ASIC2: variants seen among roughly 807,000 people sequenced by gnomAD.
ASIC2 encodes acid-sensing ion channel 2.
ASIC2 carries 25 observed loss-of-function variants against 57.3 expected under a neutral mutation model. The observed-to-expected ratio is 0.44, with a 90% CI of 0.32 to 0.61. ASIC2 has a LOEUF of 0.61. ASIC2 is among the 20% of genes least tolerant of loss of function. The pLI, the probability that ASIC2 is intolerant of heterozygous loss-of-function variation, is 0.06. For synonymous variants in ASIC2, 319 were observed against 307.5 expected, an observed-to-expected ratio of 1.04 and a Z score of -0.39; for missense variants, 641 against 738.1, an observed-to-expected ratio of 0.87 and a Z score of 1.52.
chr17:33,649,456 T>A (rs1906851164), intron 1 of ASIC2, among the ~76,000 whole-genome samples: 1 of 152,204 alleles, frequency 6.6e-6, no homozygotes, highest in South Asian at 2.1e-4. Context: ...TATCAACTCT[T>A]CCCAAATTGA....
chr17:33,234,194 G>A (rs181516460), intron 1 of ASIC2, among the ~76,000 whole-genome samples: 19 of 152,306 alleles, frequency 1.2e-4, no homozygotes, highest in Admixed American at 5.2e-4. Context: ...GGTGAAGTTC[G>A]TAAAAAGCCA....
intron 1 of ASIC2, among the ~76,000 whole-genome samples, chr17:33,531,189 G>T (rs190290152): frequency 6.6e-6 from 1 of 152,172 alleles, no homozygotes. Context: ...GACCTTTAAG[G>T]CAAACGTTCC....
At position 33,265,389 on chromosome 17, in the gene ASIC2, C is replaced by T. The variant is rs575988236; in HGVS notation, c.708+26019G>A. 5.9e-5 allele frequency among the ~76,000 whole-genome samples: 9 copies of T among 152,280 alleles called. No individual in the cohort carries two copies. The East Asian group carries it at 1.5e-3, about 26-fold the overall frequency. ...GGATGGAGCTGGAAGCCATAATCCTCAGCAAACTAACATAGGAACAGGAAA... is the reference window on the plus strand; with the variant it reads ...GGATGGAGCTGGAAGCCATAATCCTTAGCAAACTAACATAGGAACAGGAAA... On this transcript the variant is annotated intron_variant, in intron 1 of 9. Transcript: ENST00000225823.
chr17:33,801,454 CT>C (rs1912130623), intron 1 of ASIC2, among the ~76,000 whole-genome samples: 1 of 152,106 alleles, frequency 6.6e-6, no homozygotes, highest in Admixed American at 6.5e-5. Flanking sequence ...TGTTTTGACA[CT>C]TTTTATGACA....
intron 1 of ASIC2, among the ~76,000 whole-genome samples, chr17:33,571,429 T>C (rs922116298): frequency 4.6e-5 from 7 of 152,180 alleles, no homozygotes; most frequent in African/African-American, 1.7e-4. Flanking sequence ...TACCCAGAGG[T>C]ATACTTAGCG....
intron 1 of ASIC2, among the ~76,000 whole-genome samples, chr17:33,678,435 C>CACACACACACACACACACA (rs1907894434): frequency 6.5e-5 from 9 of 139,508 alleles, no homozygotes; most frequent in African/African-American, 1.6e-4. Context: ...CTGGTTCAAT[C>CACACACACACACACACACA]CACACACACA....
At chr17:33,909,095 T>C (rs1373637085) in intron 1 of ASIC2, among the ~76,000 whole-genome samples, 1 of 152,202 alleles carries the variant, frequency 6.6e-6, no homozygotes, top group African/African-American at 2.4e-5. Flanking sequence ...GCCTGTGGTC[T>C]TGTATCATCA....
At chr17:33,875,493 A>G (rs1320850080) in intron 1 of ASIC2, among the ~76,000 whole-genome samples, 1 of 152,154 alleles carries the variant, frequency 6.6e-6, no homozygotes, top group Non-Finnish European at 1.5e-5. Context: ...TTTTTAGGCC[A>G]CTGCCCCTCC....
chr17:34,062,582 G>T (rs533177243), intron 1 of ASIC2, among the ~76,000 whole-genome samples: 4 of 152,196 alleles, frequency 2.6e-5, no homozygotes, highest in African/African-American at 9.6e-5. Flanking sequence ...GAAACAAAAA[G>T]CTGGTTCTTT....
At chr17:33,269,613 C>CCCTCCCTTCCTTCCTTCCTTCCTTCCTT (rs1904365417) in intron 1 of ASIC2, among the ~76,000 whole-genome samples, 20 of 73,426 alleles carry the variant, frequency 2.7e-4, no homozygotes, top group Non-Finnish European at 4.0e-4. Context: ...AGGGCTCCTT[C>CCCTCCCTTCCTTCCTTCCTTCCTTCCTT]CCTTCCTTCC....
chr17:34,099,775 AAAG>A lies in ASIC2; in HGVS notation c.555+56200_555+56202del, dbSNP rs1449202875. Among the ~76,000 whole-genome samples, 228 of 79,178 alleles carry A rather than the reference AAAG, an allele frequency of 2.9e-3. 5 individuals carry two copies. The Middle Eastern group carries it at 0.034, about 12-fold the overall frequency. The allele number at this position is 79,178 out of a possible 152,430, so 51.9% of individuals were successfully genotyped here. On this transcript the variant is annotated intron_variant, in intron 1 of 9. Transcript: ENST00000359872. The stretch of plus-strand genomic sequence containing the variant: ...GAAAGAAAGAAAGAAAGAAAGAAAG[AAAG>A]AAAGAAAGAAAGAAAGAAAGAAAGA...
In ASIC2 at chr17:33,154,235, A is replaced by G. The variant is rs142813582; in HGVS notation, c.709-42168T>C. ...TTGCCCAGGCTTGGGTGCAGTGGCT[A>G]TTCACAGGTGTGATCATAGCTTACT... On this transcript the variant is annotated intron_variant, in intron 1 of 9. Coordinates refer to ENST00000225823, the MANE Select transcript of ASIC2 (RefSeq NM_183377.2). Among the ~76,000 whole-genome samples, 1,353 of 152,272 alleles carry G rather than the reference A, an allele frequency of 8.9e-3. 8 individuals carry two copies. Among genetic ancestry groups the G allele is most frequent in the Non-Finnish European group, 0.015 (995 of 67,996 alleles).
chr17:33,922,308 C>T (rs1915724978), intron 1 of ASIC2, among the ~76,000 whole-genome samples: 1 of 152,046 alleles, frequency 6.6e-6, no homozygotes. Flanking sequence ...TCCCTCCCTC[C>T]TTCCTTCCTT....
intron 1 of ASIC2, among the ~76,000 whole-genome samples, chr17:33,888,574 G>A (rs66923090): frequency 0.17 from 25,898 of 151,998 alleles, 2,350 homozygotes; most frequent in African/African-American, 0.24. Flanking sequence ...AGGGGAGAGC[G>A]CTGTTGAAAA....
intron 3 of ASIC2, among the ~76,000 whole-genome samples, chr17:33,083,711 T>G (rs2092122991): frequency 6.6e-6 from 1 of 152,168 alleles, no homozygotes; most frequent in African/African-American, 2.4e-5. Context: ...GGTGGATGGT[T>G]CTGCATCATT....
chr17:34,096,670 C>A (rs1051145403), intron 1 of ASIC2, among the ~76,000 whole-genome samples: 1 of 151,676 alleles, frequency 6.6e-6, no homozygotes, highest in Non-Finnish European at 1.5e-5. Context: ...CTGGCTAACA[C>A]GGTGAAACCC....
At position 33,201,464 on chromosome 17, in the gene ASIC2, C is replaced by T. The variant is rs183128853; in HGVS notation, c.709-89397G>A. 1.9e-3 allele frequency among the ~76,000 whole-genome samples: 294 copies of T among 152,314 alleles called. 3 individuals are homozygous for T. The highest frequency in any genetic ancestry group is 4.6e-4 in the Non-Finnish European group (31 of 68,026). On this transcript the variant is annotated intron_variant, in intron 1 of 9. Transcript: ENST00000225823. ...GAGGCAAAAGCACCTCTCCATGAGA[C>T]GTGCCCACCAATGCCATGTCAGTTT...
intron 3 of ASIC2, among the ~76,000 whole-genome samples, chr17:33,051,297 CAA>C (rs970768123): frequency 1.1e-4 from 17 of 152,184 alleles, no homozygotes; most frequent in African/African-American, 4.1e-4. Context: ...AATGAGAACC[CAA>C]GTCTTTTGAA....
chr17:34,051,729 C>T (rs1242787154), intron 1 of ASIC2: 1 of 152,012 alleles, frequency 6.6e-6, no homozygotes, highest in Admixed American at 6.6e-5. Context: ...TTCTGTCTTC[C>T]TTCCAAGCTG....
Sources: allele counts gnomAD v4.1 joint callset (sites outside exome capture counted in the v4.1 genomes callset), GRCh38; gene constraint gnomAD v4.1.1; transcripts MANE v1.5; gene names NCBI Gene and HGNC (gene_info 2026-07-23, HGNC 2026-07-21).